KCNMB2: variants seen among roughly 807,000 people sequenced by gnomAD.
The protein encoded by KCNMB2 is calcium-activated potassium channel subunit beta-2.
A neutral mutation model predicts 24.5 loss-of-function variants in KCNMB2; 9 were observed. That is an observed-to-expected ratio of 0.37 (90% CI 0.22 to 0.64). The LOEUF (loss-of-function observed/expected upper bound fraction) is 0.64. Ranked by LOEUF, KCNMB2 falls within the 30% of genes least tolerant of loss-of-function variation. The probability of loss-of-function intolerance (pLI) is 0.63; values close to 1 mark genes in which losing one functional copy is unlikely to be tolerated. For missense variants in KCNMB2, 226 were observed against 284.3 expected, an observed-to-expected ratio of 0.79 and a Z score of 1.47; for synonymous variants, 109 against 104.4, an observed-to-expected ratio of 1.04 and a Z score of -0.27.
chr3:178,771,473 C>CTTTTTTTTTT (rs66694279), intron 1 of KCNMB2, among the ~76,000 whole-genome samples: 15 of 87,518 alleles, frequency 1.7e-4, no homozygotes, highest in Non-Finnish European at 1.9e-4. Context: ...TTCTTTCTTT[C>CTTTTTTTTTT]TTTTTTTTTT....
chr3:178,641,250 T>C (rs1719717243), intron 1 of KCNMB2, among the ~76,000 whole-genome samples: 1 of 152,190 alleles, frequency 6.6e-6, no homozygotes, highest in Non-Finnish European at 1.5e-5. Context: ...GAATTTTGAC[T>C]GATATTGTGT....
At position 178,570,515 on chromosome 3, in the gene KCNMB2, CTTTTTTTTTTTTT is replaced by C. The variant is rs200106452; in HGVS notation, c.-68+33817_-68+33829del. On this transcript the variant is annotated intron_variant, in intron 1 of 4. Coordinates refer to ENST00000452583, the MANE Select transcript of KCNMB2 (RefSeq NM_181361.3). ...GAACATTGACCAAAGGTAATGATAC[CTTTTTTTTTTTTT>C]TTTTTTTTTTTTGCTCTTGGTAAAG... is the stretch of plus-strand genomic sequence containing the variant. Among the ~76,000 whole-genome samples, 183 of 114,644 alleles carry C rather than the reference CTTTTTTTTTTTTT, an allele frequency of 1.6e-3. 2 individuals are homozygous for C. The highest frequency in any genetic ancestry group is 5.3e-3 in the Middle Eastern group (1 of 188). The allele number at this position is 114,644 out of a possible 152,430, so 75.2% of individuals were successfully genotyped here. A position where few individuals can be genotyped will look rare whatever the true frequency, so the allele number is the denominator to read the frequency against.
chr3:178,726,566 G>A (rs1160873955), intron 1 of KCNMB2, among the ~76,000 whole-genome samples: 1 of 116,944 alleles, frequency 8.6e-6, no homozygotes, highest in African/African-American at 3.6e-5. Context: ...AATTTTGGTT[G>A]ACAGGTTTTT....
At chr3:178,560,325 GC>G (rs1716270872) in intron 1 of KCNMB2, among the ~76,000 whole-genome samples, 2 of 152,094 alleles carry the variant, frequency 1.3e-5, no homozygotes, top group Admixed American at 1.3e-4. Flanking sequence ...CAATCAGGAG[GC>G]CTTTGTCTAA....
intron 1 of KCNMB2, among the ~76,000 whole-genome samples, chr3:178,719,293 C>T (rs555587725): frequency 6.6e-6 from 1 of 152,160 alleles, no homozygotes. Context: ...TCTTTTAAAC[C>T]CAAGGGAGTT....
intron 1 of KCNMB2, among the ~76,000 whole-genome samples, chr3:178,571,470 A>ATATATG (rs1323872494): frequency 7.3e-6 from 1 of 137,320 alleles, no homozygotes; most frequent in Non-Finnish European, 1.5e-5. Flanking sequence ...ATATATATAT[A>ATATATG]TATATATATA....
intron 1 of KCNMB2, among the ~76,000 whole-genome samples, chr3:178,690,773 T>C (rs899662993): frequency 1.3e-5 from 2 of 152,166 alleles, no homozygotes; most frequent in African/African-American, 2.4e-5. Context: ...TCATGGAAGA[T>C]TGAATCATGA....
At chr3:178,834,698 G>A (rs1386663048) in intron 4 of KCNMB2, among the ~76,000 whole-genome samples, 1 of 152,098 alleles carries the variant, frequency 6.6e-6, no homozygotes, top group Non-Finnish European at 1.5e-5. Flanking sequence ...TTTGGCATTT[G>A]ACATCCCATA....
chr3:178,794,831 G>A (rs757372572), intron 1 of KCNMB2, among the ~76,000 whole-genome samples: 3 of 152,306 alleles, frequency 2.0e-5, no homozygotes, highest in Non-Finnish European at 4.4e-5. Context: ...GCCATAGGCA[G>A]TATAGTTGGA....
intron 1 of KCNMB2, among the ~76,000 whole-genome samples, chr3:178,583,445 C>G (rs1717290021): frequency 6.6e-6 from 1 of 152,072 alleles, no homozygotes; most frequent in Admixed American, 6.6e-5. Flanking sequence ...CATCAAAAAC[C>G]TTTAATTCAG....
intron 1 of KCNMB2, among the ~76,000 whole-genome samples, chr3:178,779,104 G>C (rs1178119892): frequency 6.6e-6 from 1 of 152,176 alleles, no homozygotes; most frequent in African/African-American, 2.4e-5. Context: ...CCAGACCCAA[G>C]TCTGGATTTT....
intron 1 of KCNMB2, among the ~76,000 whole-genome samples, chr3:178,593,416 C>A (rs1489589571): frequency 6.6e-6 from 1 of 152,006 alleles, no homozygotes; most frequent in Non-Finnish European, 1.5e-5. Flanking sequence ...GCCAAAGAGT[C>A]TAGCCAGAGA....
chr3:178,797,967 A>G (rs1713618604), intron 1 of KCNMB2, among the ~76,000 whole-genome samples: 1 of 152,128 alleles, frequency 6.6e-6, no homozygotes, highest in Non-Finnish European at 1.5e-5. Flanking sequence ...AATGCTTGTG[A>G]CTTTTGCACA....
intron 1 of KCNMB2, among the ~76,000 whole-genome samples, chr3:178,677,341 G>T (rs1391839877): frequency 6.6e-6 from 1 of 152,164 alleles, no homozygotes; most frequent in Non-Finnish European, 1.5e-5. Context: ...GACAATTTTA[G>T]ACTGTGAACA....
At chr3:178,579,499 A>G (rs1484288315) in intron 1 of KCNMB2, among the ~76,000 whole-genome samples, 1 of 152,172 alleles carries the variant, frequency 6.6e-6, no homozygotes. Context: ...AGCTAGCAGA[A>G]GACAAGAAAT....
chr3:178,768,474 A>G (rs891442917), intron 1 of KCNMB2, among the ~76,000 whole-genome samples: 1 of 152,214 alleles, frequency 6.6e-6, no homozygotes, highest in Non-Finnish European at 1.5e-5. Context: ...TGTACTCTAA[A>G]TGATAATCTC....
intron 1 of KCNMB2, among the ~76,000 whole-genome samples, chr3:178,780,961 TACTG>T (rs1351510210): frequency 6.6e-6 from 1 of 152,212 alleles, no homozygotes; most frequent in African/African-American, 2.4e-5. Context: ...CACAGGTGAC[TACTG>T]AGCACTCCAA....
chr3:178,758,340 GA>G (rs1442948079), intron 1 of KCNMB2, among the ~76,000 whole-genome samples: 7 of 12,686 alleles, frequency 5.5e-4, no homozygotes, highest in Non-Finnish European at 7.7e-4. Context: ...ATATCTCCAA[GA>G]GGGGATATAT....
intron 1 of KCNMB2, among the ~76,000 whole-genome samples, chr3:178,577,242 C>A (rs1233412052): frequency 6.6e-6 from 1 of 152,120 alleles, no homozygotes; most frequent in Non-Finnish European, 1.5e-5. Context: ...TGGAGTGGAC[C>A]TTCAGCAGAT....
Sources: gnomAD v4.1 joint callset for allele counts (sites outside exome capture counted in the v4.1 genomes callset) on GRCh38, gnomAD v4.1.1 for gene constraint, MANE v1.5 for transcripts, NCBI Gene and HGNC (gene_info 2026-07-23, HGNC 2026-07-21) for gene names.